The following PLSCR2 variants were observed in gnomAD, a reference collection of about 807,000 sequenced individuals.
PLSCR2 encodes phospholipid scramblase 2.
A neutral mutation model predicts 25.3 loss-of-function variants in PLSCR2; 18 were observed. The observed-to-expected ratio is 0.71, with a 90% confidence interval of 0.49 to 1.06. The LOEUF (loss-of-function observed/expected upper bound fraction) is 1.06. Among genes scored for constraint, PLSCR2 ranks in the 50% least tolerant of loss-of-function variants. The probability of loss-of-function intolerance (pLI) is 0.00; values close to 1 mark genes in which losing one functional copy is unlikely to be tolerated. For missense variants in PLSCR2, 243 were observed against 269.5 expected, an observed-to-expected ratio of 0.90 and a Z score of 0.69; for synonymous variants, 88 against 87.3, an observed-to-expected ratio of 1.01 and a Z score of -0.04.
intron 1 of PLSCR2, among the ~76,000 whole-genome samples, chr3:146,492,922 G>GA (rs1232253820): frequency 1.3e-5 from 2 of 149,174 alleles, no homozygotes; most frequent in African/African-American, 2.5e-5. Context: ...GATGAATAAA[G>GA]AAAAAAAGAG....
chr3:146,413,898 T>A lies in PLSCR2; in HGVS notation c.101-17977A>T, dbSNP rs545995630. The stretch of plus-strand genomic sequence containing the variant: ...CTTCCACATTTTCATGTATCAATTT[T>A]CTGTCTTAGTCTGTTTGGTATTTCA... On this transcript the variant is annotated intron_variant and NMD_transcript_variant, in intron 2 of 3. Transcript: ENST00000463633. Among the ~76,000 whole-genome samples, 5 of 152,344 alleles carry A rather than the reference T, an allele frequency of 3.3e-5. No homozygotes were observed. In the South Asian group the frequency reaches 1.0e-3, roughly 32 times the overall value.
chr3:146,475,304 C>T (rs2042248021), intron 1 of PLSCR2, among the ~76,000 whole-genome samples: 1 of 152,020 alleles, frequency 6.6e-6, no homozygotes, highest in Admixed American at 6.6e-5. Context: ...TTTGAGGCTG[C>T]TGACCCTTGC....
chr3:146,455,388 C>T (rs749096572), exon 4 of PLSCR2: 9 of 1,613,446 alleles, frequency 5.6e-6, no homozygotes, highest in Non-Finnish European at 7.6e-6. Flanking sequence ...GTATCTTCTG[C>T]TGCAAAATAA....
intron 8 of PLSCR2, among the ~76,000 whole-genome samples, chr3:146,433,832 T>C (rs780526999): frequency 1.3e-5 from 2 of 152,188 alleles, no homozygotes; most frequent in African/African-American, 4.8e-5. Flanking sequence ...TATACCAATG[T>C]TCTCATCCAT....
chr3:146,429,759 G>A (rs1354343632), downstream of PLSCR2, among the ~76,000 whole-genome samples: 1 of 151,974 alleles, frequency 6.6e-6, no homozygotes, highest in Admixed American at 6.6e-5. Context: ...CCGAGTAGCT[G>A]GGACTATAGG....
exon 7 of PLSCR2, chr3:146,441,768 TC>T: frequency 6.4e-7 from 1 of 1,563,234 alleles, no homozygotes; most frequent in Non-Finnish European, 8.8e-7. Flanking sequence ...ATTAATCCAC[TC>T]CCACACTCTG....
intron 1 of PLSCR2, among the ~76,000 whole-genome samples, chr3:146,488,541 A>T (rs2043429366): frequency 6.6e-6 from 1 of 152,188 alleles, no homozygotes; most frequent in African/African-American, 2.4e-5. Flanking sequence ...TTCTCAAAAT[A>T]AGACATTTAT....
At chr3:146,422,505 T>C (rs896861420) in intron 2 of PLSCR2, among the ~76,000 whole-genome samples, 10 of 152,120 alleles carry the variant, frequency 6.6e-5, no homozygotes, top group Non-Finnish European at 1.2e-4. Context: ...ACTGGTGTTA[T>C]CACAGTCATC....
chr3:146,437,941 T>C (rs1389223742), downstream of PLSCR2, among the ~76,000 whole-genome samples: 4 of 152,238 alleles, frequency 2.6e-5, no homozygotes, highest in African/African-American at 4.8e-5. Context: ...ACCCACTGCA[T>C]TAAATGTGTC....
chr3:146,416,948 G>A (rs2039020111), intron 2 of PLSCR2, among the ~76,000 whole-genome samples: 1 of 152,058 alleles, frequency 6.6e-6, no homozygotes. Context: ...ATTTGAAATG[G>A]CTGGATTTTA....
chr3:146,468,494 C>A (rs894497748), intron 1 of PLSCR2, among the ~76,000 whole-genome samples: 5 of 152,190 alleles, frequency 3.3e-5, no homozygotes. Flanking sequence ...ACATGGGAAC[C>A]AGAGAGTCAG....
chr3:146,406,605 TCTAATGGCTTCAC>T (rs2038667273), intron 2 of PLSCR2, among the ~76,000 whole-genome samples: 1 of 152,102 alleles, frequency 6.6e-6, no homozygotes, highest in South Asian at 2.1e-4. Context: ...AAAGAATTAA[TCTAATGGCTTCAC>T]CTGACTTAGG....
Position 146,411,712 on chromosome 3 carries a change from G to A in PLSCR2, c.101-15791C>T, listed in dbSNP as rs190052774. ...TAATGCTCAAAATTCTCTCGGCCCCGAAGAAGGGGCTAGATTTTCTTTTAT... is the reference window on the plus strand; with the variant it reads ...TAATGCTCAAAATTCTCTCGGCCCCAAAGAAGGGGCTAGATTTTCTTTTAT... On this transcript the variant is annotated intron_variant and NMD_transcript_variant, in intron 2 of 3. Transcript: ENST00000463633. 2.5e-3 allele frequency among the ~76,000 whole-genome samples: 383 copies of A among 152,356 alleles called. 3 individuals are homozygous for A. Among genetic ancestry groups the A allele is most frequent in the Admixed American group, 0.015 (225 of 15,300 alleles).
At chr3:146,443,202 TC>T (rs1012066295) in intron 6 of PLSCR2, among the ~76,000 whole-genome samples, 7 of 152,076 alleles carry the variant, frequency 4.6e-5, no homozygotes, top group Admixed American at 4.6e-4. Flanking sequence ...GGATCAATGT[TC>T]ATCAGGCATA....
chr3:146,463,964 G>A (rs1422888024), upstream of PLSCR2: 1 of 984,034 alleles, frequency 1.0e-6, no homozygotes, highest in Non-Finnish European at 1.2e-6. Context: ...TTCAGCAAAG[G>A]TTGAATAATT....
chr3:146,448,738 T>C (rs2040712332), intron 6 of PLSCR2, among the ~76,000 whole-genome samples: 1 of 152,226 alleles, frequency 6.6e-6, no homozygotes, highest in Admixed American at 6.5e-5. Flanking sequence ...TCAGAATCAC[T>C]GCTTTACCCC....
intron 1 of PLSCR2, among the ~76,000 whole-genome samples, chr3:146,491,586 T>C (rs188608273): frequency 2.6e-5 from 4 of 152,132 alleles, no homozygotes; most frequent in Non-Finnish European, 4.4e-5. Context: ...CTGCATTGAG[T>C]CAAAGGAATG....
chr3:146,410,089 CT>C (rs34516266), intron 2 of PLSCR2, among the ~76,000 whole-genome samples: 6 of 147,934 alleles, frequency 4.1e-5, no homozygotes, highest in African/African-American at 1.5e-4. Flanking sequence ...TCAAATTCAG[CT>C]TTTTTTTTTT....
chr3:146,445,780 T>C (rs1337019766), intron 6 of PLSCR2, among the ~76,000 whole-genome samples: 3 of 152,162 alleles, frequency 2.0e-5, no homozygotes, highest in African/African-American at 7.2e-5. Context: ...AAATAACTCT[T>C]AGATTTGCCG....
Sources: gnomAD v4.1 joint callset for allele counts (sites outside exome capture counted in the v4.1 genomes callset) on GRCh38, gnomAD v4.1.1 for gene constraint, MANE v1.5 for transcripts, NCBI Gene and HGNC (gene_info 2026-07-23, HGNC 2026-07-21) for gene names.